The following INTS10 variants were observed in gnomAD, a reference collection of about 807,000 sequenced individuals.
The protein encoded by INTS10 is integrator complex subunit 10.
INTS10 carries 44 observed loss-of-function variants against 94.4 expected under a neutral mutation model. The ratio of observed to expected loss-of-function variants is 0.47; its 90% CI spans 0.37 to 0.60. The LOEUF (loss-of-function observed/expected upper bound fraction) is 0.60. INTS10 is among the 20% of genes least tolerant of loss of function. The pLI is 0.00. For synonymous variants in INTS10, 341 were observed against 320.7 expected, an observed-to-expected ratio of 1.06 and a Z score of -0.68; for missense variants, 797 against 868.7, an observed-to-expected ratio of 0.92 and a Z score of 1.04.
At chr8:19,830,992 A>G (rs1229245322) in intron 10 of INTS10, among the ~76,000 whole-genome samples, 3 of 152,332 alleles carry the variant, frequency 2.0e-5, no homozygotes, top group East Asian at 3.9e-4. Flanking sequence ...TTTTATCTGC[A>G]TTAACTCCAT....
In INTS10 at chr8:19,849,266, A is replaced by G; in HGVS notation, c.1977-2383A>G. On this transcript the variant is annotated intron_variant, in intron 16 of 16. Transcript: ENST00000397977. This position sits in a 1 kb window ranked among gnomAD's most constrained non-coding sequence, Gnocchi z 4.6. Reference sequence around the variant, plus strand: ...TACCAAGTGGAATCAACGCCCGCTCATAGTGTGCTGTTTGTCAACATGTTC... The same window carrying G: ...TACCAAGTGGAATCAACGCCCGCTCGTAGTGTGCTGTTTGTCAACATGTTC... 1 of 1,221,890 alleles carries G rather than the reference A, an allele frequency of 8.2e-7. No individual in the cohort carries two copies. Among genetic ancestry groups the G allele is most frequent in the Middle Eastern group, 2.3e-4 (1 of 4,316 alleles). 75.7% of individuals were successfully genotyped at this position (1,221,890 alleles called of 1,614,324 possible).
chr8:19,837,205 A>T (rs764800212), intron 13 of INTS10, 45 bp downstream of exon 13: 1 of 1,257,328 alleles, frequency 8.0e-7, no homozygotes, highest in Non-Finnish European at 1.2e-6. Flanking sequence ...ATAGCTTTAG[A>T]AAGCCAGGCA....
At position 19,819,481 on chromosome 8, in the gene INTS10, A is replaced by G. The variant is rs78655736; in HGVS notation, c.198-92A>G. 1.1e-3 allele frequency: 1,004 copies of G among 909,258 alleles called. 15 individuals carry two copies. The East Asian group carries it at 0.026, about 24-fold the overall frequency. 56.3% of individuals were successfully genotyped at this position (909,258 alleles called of 1,614,324 possible). Reference sequence around the variant, plus strand: ...CACGTCTAAGCATTCACTTGGAATAAAGGAAACTTTTTCACCAAATGCTAA... The same window carrying G: ...CACGTCTAAGCATTCACTTGGAATAGAGGAAACTTTTTCACCAAATGCTAA... On this transcript the variant is annotated intron_variant, in intron 2 of 16. Coordinates refer to ENST00000397977, the MANE Select transcript of INTS10 (RefSeq NM_018142.4).
intron 11 of INTS10, 112 bp downstream of exon 11, chr8:19,832,222 C>T: frequency 1.5e-6 from 1 of 676,022 alleles, no homozygotes. Context: ...AGTCCACTGC[C>T]TCCTGACACC....
chr8:19,840,152 G>C (rs541308319), intron 13 of INTS10, among the ~76,000 whole-genome samples: 2 of 143,722 alleles, frequency 1.4e-5, no homozygotes, highest in East Asian at 4.1e-4. Flanking sequence ...TAAGCAATTA[G>C]AAAATGAATT....
chr8:19,827,889 T>C (rs2066926319), intron 9 of INTS10, among the ~76,000 whole-genome samples: 1 of 152,186 alleles, frequency 6.6e-6, no homozygotes, highest in Non-Finnish European at 1.5e-5. Flanking sequence ...TCACAGTGTT[T>C]TGTTTGTTTA....
At position 19,844,080 on chromosome 8, in the gene INTS10, G is replaced by C. The variant is rs2068363653; in HGVS notation, c.1724G>C (p.Arg575Thr). Residue 575 changes from arginine to threonine, a missense_variant, in exon 15 of 17, where the codon AGA becomes ACA. Physicochemically the swap from Arg to Thr is moderately conservative, Grantham distance 71. This residue lies in a region of INTS10 where 734 missense variants were observed against 787.8 expected (regional missense o/e 0.93). Transcript: ENST00000397977. The part of the protein sequence containing the change: ...LHLMLACFKL[R>T]AFTDNRDDMA... ...GTATAAATCTTTGTCTTGCAGCTTA[G>C]AGCTTTCACAGACAACAGAGACGAC... 2 of 1,594,344 alleles carry C rather than the reference G, an allele frequency of 1.3e-6. No homozygotes were observed. The highest frequency in any genetic ancestry group is 2.7e-5 in the African/African-American group (2 of 73,884).
chr8:19,817,423 C>A lies in INTS10; in HGVS notation c.-115C>A. 7.0e-7 allele frequency: 1 copy of A among 1,425,210 alleles called. No homozygotes were observed. Among genetic ancestry groups the A allele is most frequent in the Non-Finnish European group, 9.4e-7 (1 of 1,066,154 alleles). The allele number at this position is 1,425,210 out of a possible 1,614,324, so 88.3% of individuals were successfully genotyped here. A position where few individuals can be genotyped will look rare whatever the true frequency, so the allele number is the denominator to read the frequency against. On this transcript the variant is annotated 5_prime_UTR_variant, in exon 1 of 17. Transcript: ENST00000397977. ...CAGCCTCCGTGCGCCTCCAGACATGCGCAGTAGCCTCCCCCGCGGTGGCGG... is the reference window on the plus strand; with the variant it reads ...CAGCCTCCGTGCGCCTCCAGACATGAGCAGTAGCCTCCCCCGCGGTGGCGG...
intron 16 of INTS10, among the ~76,000 whole-genome samples, chr8:19,847,838 T>C (rs1325207424): frequency 6.6e-6 from 1 of 152,138 alleles, no homozygotes; most frequent in East Asian, 1.9e-4. Flanking sequence ...TTGGAGTTGT[T>C]TGTGTAAAGG....
At chr8:19,825,079 G>A in intron 8 of INTS10, 107 bp downstream of exon 8, 2 of 950,250 alleles carry the variant, frequency 2.1e-6, no homozygotes, top group South Asian at 2.9e-5. Context: ...TAACTGTGGG[G>A]CAGTACCAGT....
intron 13 of INTS10, among the ~76,000 whole-genome samples, chr8:19,838,034 C>A (rs373604100): frequency 2.5e-4 from 38 of 151,974 alleles, no homozygotes; most frequent in African/African-American, 8.7e-4. Flanking sequence ...CACAATTTAC[C>A]AAAATTGACA....
chr8:19,833,217 C>T lies in INTS10; in HGVS notation c.1426C>T (p.Gln476Ter). 6.2e-7 allele frequency: 1 copy of T among 1,612,674 alleles called. No individual in the cohort carries two copies. Among genetic ancestry groups the T allele is most frequent in the Non-Finnish European group, 8.5e-7 (1 of 1,179,308 alleles). ...CAGCCTGCATCACTTAGCAGCTCTC[C>T]AGGGATCCATTTCTCAGCCACAGAT... ...IASLHHLAAL[Q>*]GSISQPQITG... Residue 476 changes from glutamine to a stop codon, truncating the protein, a stop_gained, in exon 12 of 17, where the codon CAG becomes TAG. Coordinates refer to ENST00000397977, the MANE Select transcript of INTS10 (RefSeq NM_018142.4). LOFTEE classifies it high-confidence loss of function.
intron 11 of INTS10, 85 bp downstream of exon 11, chr8:19,832,195 A>AT: frequency 1.3e-6 from 1 of 786,238 alleles, no homozygotes; most frequent in Admixed American, 1.8e-5. Context: ...AGAATGTGTC[A>AT]TGTTCCCTCT....
At chr8:19,850,158 A>G (rs966991871) in intron 16 of INTS10, among the ~76,000 whole-genome samples, 33 of 150,618 alleles carry the variant, frequency 2.2e-4, no homozygotes, top group Non-Finnish European at 4.1e-4. Context: ...AGAAAGAAAG[A>G]AAAAAAAAGG....
rs539612538 is a variant in INTS10 at position 19,848,392 on chromosome 8, A to G, written c.1976+2595A>G. ...GGGAGAAGCTCTTAATCTGTTATAC[A>G]GACCTTTTGCTCTTAAGTATTTTAA... On this transcript the variant is annotated intron_variant, in intron 16 of 16. Coordinates refer to ENST00000397977, the MANE Select transcript of INTS10 (RefSeq NM_018142.4). 3.3e-5 allele frequency among the ~76,000 whole-genome samples: 5 copies of G among 152,342 alleles called. No individual in the cohort carries two copies. The East Asian group carries it at 9.6e-4, about 29-fold the overall frequency.
rs185760195 is a variant in INTS10, at chr8:19,823,126, C to G, written c.524-175C>G. 2.7e-3 allele frequency among the ~76,000 whole-genome samples: 417 copies of G among 152,292 alleles called. 1 individual carries two copies. The highest frequency in any genetic ancestry group is 9.6e-3 in the African/African-American group (401 of 41,558). On this transcript the variant is annotated intron_variant, in intron 5 of 16. Coordinates refer to ENST00000397977, the MANE Select transcript of INTS10 (RefSeq NM_018142.4). ...AAAAGTGTCTGTGTTTCCTCCCTGA[C>G]TCCAGCCACTGGTGTCTCTCTGCAC...
At chr8:19,818,637 A>G (rs986040971) in intron 2 of INTS10, 2 of 401,302 alleles carry the variant, frequency 5.0e-6, no homozygotes, top group African/African-American at 2.0e-5. Flanking sequence ...ATAGAGAACA[A>G]AAAGTGAAAG....
In INTS10 at chr8:19,843,104, G is replaced by C. The variant is rs767881058; in HGVS notation, c.1719+177G>C. ...CAAATCTATATTAAATAATGACTGC[G>C]CTAGGCAAAGAGAAGTAGGAAGTTC... On this transcript the variant is annotated intron_variant, in intron 14 of 16. Transcript: ENST00000397977. This position sits in a 1 kb window ranked among gnomAD's most constrained non-coding sequence, Gnocchi z 4.7. Among the ~76,000 whole-genome samples the C allele has an allele frequency of 1.3e-5, 2 of 152,180 alleles. No homozygotes were observed. The highest frequency in any genetic ancestry group is 2.9e-5 in the Non-Finnish European group (2 of 68,042).
intron 13 of INTS10, 102 bp downstream of exon 13, chr8:19,837,262 A>C (rs2067737441): frequency 1.3e-6 from 1 of 765,714 alleles, no homozygotes; most frequent in East Asian, 2.7e-5. Context: ...TCGAGGCGGG[A>C]GGATAGCTTT....
Sources: gnomAD v4.1 joint callset for allele counts (sites outside exome capture counted in the v4.1 genomes callset) on GRCh38, gnomAD v4.1.1 for gene constraint, gnomAD v4.1.1 regional missense constraint, Gnocchi (gnomAD v3.1) non-coding constraint, MANE v1.5 for transcripts, NCBI Gene and HGNC (gene_info 2026-07-23, HGNC 2026-07-21) for gene names.